Variants in INTU observed in about 807,000 individuals in gnomAD.
INTU encodes inturned planar cell polarity protein.
A neutral mutation model predicts 100.5 loss-of-function variants in INTU; 68 were observed. The observed-to-expected ratio is 0.68, with a 90% CI of 0.56 to 0.83. The LOEUF (loss-of-function observed/expected upper bound fraction) is 0.83, where lower values mean the gene tolerates loss of function less well. INTU is among the 40% of genes least tolerant of loss of function. INTU has a pLI of 0.00. For missense variants in INTU, 1,071 were observed against 1,114.7 expected (o/e 0.96, Z 0.56); for synonymous variants, 357 against 395.7 (o/e 0.90, Z 1.16).
chr4:127,682,451 G>A lies in INTU; in HGVS notation c.1182-1958G>A, dbSNP rs186325997. ...AAAAAAGGATGAGTTCATGTCCTTT[G>A]TAGGAACATGGATGAAATTGGAAAT... On this transcript the variant is annotated intron_variant, in intron 6 of 15. Coordinates refer to ENST00000335251, the MANE Select transcript of INTU (RefSeq NM_015693.4). Among the ~76,000 whole-genome samples the A allele has an allele frequency of 4.6e-5, 7 of 152,206 alleles. No individual in the cohort carries two copies. In the East Asian group the frequency reaches 7.7e-4, roughly 17 times the overall value.
chr4:127,633,804 G>T (rs921818982), intron 1 of INTU, among the ~76,000 whole-genome samples: 1 of 152,080 alleles, frequency 6.6e-6, no homozygotes, highest in Non-Finnish European at 1.5e-5. Flanking sequence ...ATACCTAAAG[G>T]TTTCACTTTC....
intron 5 of INTU, 31 bp from the exon 6 acceptor site, chr4:127,674,093 C>T (rs759862557): frequency 6.9e-7 from 1 of 1,440,566 alleles, no homozygotes; most frequent in South Asian, 1.2e-5. Flanking sequence ...TAAAGGTATT[C>T]TAACCTTATT....
In INTU at chr4:127,706,924, A is replaced by G; in HGVS notation, c.2226A>G (p.Glu742=). The G allele has an allele frequency of 1.2e-6, 2 of 1,614,022 alleles. No homozygotes were observed. The highest frequency in any genetic ancestry group is 1.7e-4 in the Middle Eastern group (1 of 6,056). The change falls in exon 12 of 16, where the codon GAA becomes GAG. Residue 742 remains glutamate (E), a synonymous_variant. Coordinates refer to ENST00000335251, the MANE Select transcript of INTU (RefSeq NM_015693.4). The part of the protein sequence containing the change: ...TTPDAVRKQR[E]SQGSDGLEES... The stretch of plus-strand genomic sequence containing the variant: ...CGGATGCAGTACGGAAGCAAAGAGA[A>G]TCTCAGGGCTCTGATGGTTTAGAAG...
chr4:127,689,732 AAAGGGGAAAGGAAAGG>A (rs1238381380), intron 8 of INTU, among the ~76,000 whole-genome samples: 1 of 151,918 alleles, frequency 6.6e-6, no homozygotes, highest in East Asian at 1.9e-4. Flanking sequence ...AAGGAGAAAG[AAAGGGGAAAGGAAAGG>A]GGGAGGGAAG....
At position 127,633,175 on chromosome 4, in the gene INTU, T is replaced by A. The variant is rs755832432; in HGVS notation, c.141T>A (p.Asp47Glu). The change falls in exon 1 of 16, where the codon GAT (aspartate) becomes GAA (glutamate). Residue 47 changes from aspartate to glutamate, a missense_variant. Coordinates refer to ENST00000335251, the MANE Select transcript of INTU (RefSeq NM_015693.4). ...GTTCATATTCCTCAGCGAGTAGCGA[T>A]TATGAGTAAGGTTTTCAAAGAGGGA... ...DSGSYSSASS[D>E]YDDLEPEWLD... The A allele has an allele frequency of 6.2e-7, 1 of 1,613,240 alleles. No individual in the cohort carries two copies. Among genetic ancestry groups the A allele is most frequent in the Non-Finnish European group, 8.5e-7 (1 of 1,179,342 alleles).
chr4:127,688,939 C>CCTTT (rs141498626), intron 8 of INTU, among the ~76,000 whole-genome samples: 1 of 87,384 alleles, frequency 1.1e-5, no homozygotes, highest in African/African-American at 6.1e-5. Flanking sequence ...ATTACCCTTT[C>CCTTT]CTTTCTTTCT....
chr4:127,711,561 A>G (rs1001853127), intron 14 of INTU, among the ~76,000 whole-genome samples: 2 of 152,214 alleles, frequency 1.3e-5, no homozygotes, highest in South Asian at 2.1e-4. Context: ...TCTGTGGCCT[A>G]TTAGGAACCA....
intron 1 of INTU, among the ~76,000 whole-genome samples, chr4:127,635,637 AT>A (rs1048767084): frequency 6.6e-6 from 1 of 152,132 alleles, no homozygotes; most frequent in African/African-American, 2.4e-5. Context: ...TGTCCTTTAA[AT>A]TTTTTTCTGG....
intron 8 of INTU, among the ~76,000 whole-genome samples, chr4:127,696,557 T>C (rs1230961787): frequency 6.6e-6 from 1 of 151,998 alleles, no homozygotes; most frequent in Non-Finnish European, 1.5e-5. Context: ...ATTAGTAATT[T>C]GTGTCCTCTC....
At position 127,663,415 on chromosome 4, in the gene INTU, A is replaced by G; in HGVS notation, c.803A>G (p.Lys268Arg). Residue 268 changes from lysine to arginine, a missense_variant, in exon 4 of 16, where the codon AAA becomes AGA. Lys to Arg is a conservative substitution (Grantham distance 26). Coordinates refer to ENST00000335251, the MANE Select transcript of INTU (RefSeq NM_015693.4). ...KLTFENAYDV[K>R]RETSHPRQKK... Reference sequence around the variant, plus strand: ...ACATTTGAAAATGCATATGATGTGAAAAGGGAGACGTCCCATCCAAGACAG... The same window carrying G: ...ACATTTGAAAATGCATATGATGTGAGAAGGGAGACGTCCCATCCAAGACAG... 1 of 1,613,194 alleles carries G rather than the reference A, an allele frequency of 6.2e-7. No homozygotes were observed. The highest frequency in any genetic ancestry group is 1.7e-4 in the Middle Eastern group (1 of 6,038).
Position 127,684,430 on chromosome 4 carries a change from G to A in INTU, c.1203G>A (p.Arg401=). The change falls in exon 7 of 16, where the codon AGG becomes AGA. Residue 401 remains arginine, a synonymous_variant. Transcript: ENST00000335251. The part of the protein sequence containing the change: ...PAEEVPLPRL[R]NMIENVIQTL... ...TTAGAGTTCCTCTTCCTCGTCTAAG[G>A]AACATGATAGAAAATGTCATCCAAA... is the stretch of plus-strand genomic sequence containing the variant. 1.2e-6 allele frequency: 2 copies of A among 1,600,718 alleles called. No individual in the cohort carries two copies. Among genetic ancestry groups the A allele is most frequent in the Middle Eastern group, 1.7e-4 (1 of 5,942 alleles).
chr4:127,709,561 A>G (rs1731015722), intron 13 of INTU, among the ~76,000 whole-genome samples: 1 of 152,202 alleles, frequency 6.6e-6, no homozygotes, highest in Non-Finnish European at 1.5e-5. Context: ...GAAATGTTAT[A>G]TATTCACTTC....
chr4:127,700,801 C>G (rs1263038997), intron 9 of INTU, among the ~76,000 whole-genome samples: 2 of 149,868 alleles, frequency 1.3e-5, no homozygotes, highest in East Asian at 3.9e-4. Flanking sequence ...ACTTACTAGT[C>G]AACTTTGGAG....
At chr4:127,707,055 G>A (rs1730914068) in intron 12 of INTU, 86 bp downstream of exon 12, 3 of 1,406,648 alleles carry the variant, frequency 2.1e-6, no homozygotes, top group Non-Finnish European at 2.9e-6. Context: ...TTTTTTTAGT[G>A]GCATACCATT....
At chr4:127,673,682 C>T (rs1285762136) in intron 5 of INTU, among the ~76,000 whole-genome samples, 2 of 151,620 alleles carry the variant, frequency 1.3e-5, no homozygotes, top group South Asian at 2.1e-4. Flanking sequence ...CTGCAACCTC[C>T]GCCTCCTGGG....
intron 1 of INTU, among the ~76,000 whole-genome samples, chr4:127,635,004 C>T (rs1406350884): frequency 6.6e-6 from 1 of 152,212 alleles, no homozygotes; most frequent in Non-Finnish European, 1.5e-5. Flanking sequence ...TATTGTATTT[C>T]ATGGACTACG....
chr4:127,693,513 A>G (rs558026373), intron 8 of INTU, among the ~76,000 whole-genome samples: 1 of 152,114 alleles, frequency 6.6e-6, no homozygotes. Context: ...TCATATCATT[A>G]GCAAACAGTG....
chr4:127,671,908 G>A (rs1728947334), intron 5 of INTU, among the ~76,000 whole-genome samples: 1 of 152,008 alleles, frequency 6.6e-6, no homozygotes, highest in Admixed American at 6.6e-5. Context: ...CAAACAGAAA[G>A]TCAAATATCA....
chr4:127,678,626 G>A (rs1222107923), intron 6 of INTU, among the ~76,000 whole-genome samples: 2 of 152,088 alleles, frequency 1.3e-5, no homozygotes, highest in African/African-American at 4.8e-5. Flanking sequence ...AGGAACAACT[G>A]GTACCGGCCA....
Sources: gnomAD v4.1 joint callset for allele counts (sites outside exome capture counted in the v4.1 genomes callset) on GRCh38, gnomAD v4.1.1 for gene constraint, MANE v1.5 for transcripts, NCBI Gene and HGNC (gene_info 2026-07-23, HGNC 2026-07-21) for gene names.